The following TFDP2 variants were observed in gnomAD, a reference collection of about 807,000 sequenced individuals.
The protein encoded by TFDP2 is transcription factor Dp-2.
A neutral mutation model predicts 59.3 loss-of-function variants in TFDP2; 17 were observed. The ratio of observed to expected loss-of-function variants is 0.29; its 90% confidence interval spans 0.20 to 0.43. TFDP2 has a LOEUF of 0.43. TFDP2 is among the 20% of genes least tolerant of loss of function. The pLI, the probability that TFDP2 is intolerant of heterozygous loss-of-function variation, is 1.00. For missense variants in TFDP2, 391 were observed against 528.8 expected, an observed-to-expected ratio of 0.74 and a Z score of 2.56; for synonymous variants, 180 against 194.7, an observed-to-expected ratio of 0.92 and a Z score of 0.63.
rs1200648327 is a variant in TFDP2 at position 141,968,960 on chromosome 3, CAT to C, written c.732+1111_732+1112del. Among the ~76,000 whole-genome samples the C allele has an allele frequency of 2.2e-4, 20 of 89,594 alleles. No individual in the cohort carries two copies. In the East Asian group the frequency reaches 4.7e-3, roughly 21 times the overall value. The allele number at this position is 89,594 out of a possible 152,430, so 58.8% of individuals were successfully genotyped here. ...CTCATATATATAGATATATATAACA[CAT>C]ATATATCTCATATATATAGATATAT... is the stretch of plus-strand genomic sequence containing the variant. On this transcript the variant is annotated intron_variant, in intron 9 of 12. Transcript: ENST00000489671.
chr3:142,083,677 T>C (rs1242942023), intron 3 of TFDP2, among the ~76,000 whole-genome samples: 2 of 152,192 alleles, frequency 1.3e-5, no homozygotes, highest in African/African-American at 4.8e-5. Flanking sequence ...TGGAACAGAA[T>C]AGAGAACCCA....
intron 3 of TFDP2, among the ~76,000 whole-genome samples, chr3:142,081,681 T>C (rs147553186): frequency 6.6e-6 from 1 of 152,206 alleles, no homozygotes. Flanking sequence ...CATTAGTGGC[T>C]ACTAGGAGCA....
intron 3 of TFDP2, among the ~76,000 whole-genome samples, chr3:142,013,062 G>A (rs1372464855): frequency 6.6e-6 from 1 of 152,040 alleles, no homozygotes; most frequent in African/African-American, 2.4e-5. Flanking sequence ...ACTTGAACCC[G>A]GGAGGCGGAG....
intron 5 of TFDP2, 47 bp downstream of exon 5, chr3:141,994,972 CT>C: frequency 6.9e-7 from 1 of 1,454,924 alleles, no homozygotes. Flanking sequence ...AAAAAAATGT[CT>C]AAACTTTTTT....
At chr3:142,073,470 C>T (rs866003511) in intron 3 of TFDP2, among the ~76,000 whole-genome samples, 1 of 52,032 alleles carries the variant, frequency 1.9e-5, no homozygotes, top group Non-Finnish European at 3.8e-5. Flanking sequence ...CCCCCCCCCC[C>T]GCAAAAAAAA....
chr3:142,026,584 A>C (rs1397505797), intron 3 of TFDP2, among the ~76,000 whole-genome samples: 1 of 152,218 alleles, frequency 6.6e-6, no homozygotes, highest in African/African-American at 2.4e-5. Flanking sequence ...TAAGTGCCTC[A>C]TATGTGAAAG....
chr3:142,089,259 A>C (rs532811819), intron 3 of TFDP2, among the ~76,000 whole-genome samples: 3 of 152,140 alleles, frequency 2.0e-5, no homozygotes, highest in Non-Finnish European at 4.4e-5. Flanking sequence ...AAAGAACCCA[A>C]TGGAAATTCT....
intron 1 of TFDP2, among the ~76,000 whole-genome samples, chr3:142,103,922 C>T (rs886542484): frequency 6.6e-6 from 1 of 151,352 alleles, no homozygotes; most frequent in Non-Finnish European, 1.5e-5. Flanking sequence ...GCAGAACATG[C>T]AGTTTTGTTA....
chr3:142,149,372 T>G lies in TFDP2; in HGVS notation c.-282A>C. ...GTTTGAGGCCCCAGAACGCCAACCG[T>G]GCGCGCGCCCTCGAGCCTGCCCAAA... On this transcript the variant is annotated 5_prime_UTR_variant, in exon 1 of 13. Coordinates refer to ENST00000489671, the MANE Select transcript of TFDP2 (RefSeq NM_001178139.2). 5.2e-6 allele frequency: 2 copies of G among 383,100 alleles called. No homozygotes were observed. The highest frequency in any genetic ancestry group is 4.6e-6 in the Non-Finnish European group (1 of 216,996). The allele number at this position is 383,100 out of a possible 1,614,324, so 23.7% of individuals were successfully genotyped here. A position where few individuals can be genotyped will look rare whatever the true frequency, so the allele number is the denominator to read the frequency against.
chr3:141,952,894 C>G lies in TFDP2; in HGVS notation c.1157+17G>C. ...GGCTCTGGGGTTTGCCTTTCTAACC[C>G]TGAAAAAAATACGTACCTTGACTGG... is the stretch of plus-strand genomic sequence containing the variant. On this transcript the variant is annotated intron_variant, in intron 12 of 12. Coordinates refer to ENST00000489671, the MANE Select transcript of TFDP2 (RefSeq NM_001178139.2). The G allele has an allele frequency of 6.2e-7, 1 of 1,612,268 alleles. No homozygotes were observed. Among genetic ancestry groups the G allele is most frequent in the Non-Finnish European group, 8.5e-7 (1 of 1,178,410 alleles).
intron 1 of TFDP2, among the ~76,000 whole-genome samples, chr3:142,139,748 A>T (rs6807658): frequency 0.043 from 6,482 of 152,212 alleles, 478 homozygotes; most frequent in African/African-American, 0.15. Flanking sequence ...TGTTAGTCTG[A>T]TGGGCTTCCC....
At chr3:142,050,419 G>C (rs1332408356) in intron 3 of TFDP2, among the ~76,000 whole-genome samples, 2 of 152,108 alleles carry the variant, frequency 1.3e-5, no homozygotes, top group Non-Finnish European at 2.9e-5. Flanking sequence ...CCAGTGGCGG[G>C]ACACGGTGGC....
chr3:142,079,687 G>A (rs1022835605), intron 3 of TFDP2, among the ~76,000 whole-genome samples: 3 of 152,170 alleles, frequency 2.0e-5, no homozygotes, highest in Non-Finnish European at 2.9e-5. Flanking sequence ...CAAAGCACCC[G>A]GCAGCAGACT....
intron 4 of TFDP2, among the ~76,000 whole-genome samples, chr3:141,997,582 G>A (rs1487559132): frequency 6.6e-6 from 1 of 152,028 alleles, no homozygotes; most frequent in African/African-American, 2.4e-5. Context: ...GGGCATGGTG[G>A]CTCATGCCTG....
rs60581045 is a variant in TFDP2, at chr3:142,075,906, C to CAAAAAAAA, written c.82+17147_82+17154dup. ...TGGGCAACAGAGCCAGAACCTGCCT[C>CAAAAAAAA]AAAAAAAAAAAAAAAAAAGGCTTTC... On this transcript the variant is annotated intron_variant, in intron 3 of 12. Coordinates refer to ENST00000489671, the MANE Select transcript of TFDP2 (RefSeq NM_001178139.2). 2.7e-3 allele frequency among the ~76,000 whole-genome samples: 215 copies of CAAAAAAAA among 80,598 alleles called. 3 individuals carry two copies. The highest frequency in any genetic ancestry group is 4.1e-3 in the Non-Finnish European group (172 of 42,458). The allele number at this position is 80,598 out of a possible 152,430, so 52.9% of individuals were successfully genotyped here.
At chr3:141,970,214 A>G in intron 8 of TFDP2, 73 bp from the exon 9 acceptor site, 4 of 1,402,112 alleles carry the variant, frequency 2.9e-6, no homozygotes, top group South Asian at 1.2e-5. Context: ...CCAGGTCCCT[A>G]TTCTGAGATA....
At chr3:141,984,866 A>T (rs983045695) in intron 6 of TFDP2, among the ~76,000 whole-genome samples, 11 of 152,292 alleles carry the variant, frequency 7.2e-5, no homozygotes, top group East Asian at 1.9e-4. Context: ...TCAATATGAG[A>T]GGGGGTCATG....
intron 3 of TFDP2, among the ~76,000 whole-genome samples, chr3:142,053,075 T>C (rs1947726187): frequency 6.6e-6 from 1 of 152,222 alleles, no homozygotes; most frequent in African/African-American, 2.4e-5. Flanking sequence ...CCCAAAGTGC[T>C]GGGATTACAG....
chr3:141,972,710 A>G (rs1326415325), intron 8 of TFDP2, among the ~76,000 whole-genome samples: 1 of 152,188 alleles, frequency 6.6e-6, no homozygotes, highest in African/African-American at 2.4e-5. Flanking sequence ...TCTTAGGAGT[A>G]ATCACATTTT....
Sources: gnomAD v4.1 joint callset for allele counts (sites outside exome capture counted in the v4.1 genomes callset) on GRCh38, gnomAD v4.1.1 for gene constraint, MANE v1.5 for transcripts, NCBI Gene and HGNC (gene_info 2026-07-23, HGNC 2026-07-21) for gene names.